The following STXBP6 variants were observed in gnomAD, a reference collection of about 807,000 sequenced individuals.
STXBP6 encodes syntaxin binding protein 6.
STXBP6 carries 21 observed loss-of-function variants against 26.9 expected under a neutral mutation model. The observed-to-expected ratio is 0.78, with a 90% confidence interval of 0.55 to 1.12. The LOEUF (loss-of-function observed/expected upper bound fraction) is 1.12, where lower values mean the gene tolerates loss of function less well. Among genes scored for constraint, STXBP6 ranks in the 50% most tolerant of loss-of-function variants. The probability of loss-of-function intolerance (pLI) is 0.00; values close to 1 mark genes in which losing one functional copy is unlikely to be tolerated. For missense variants in STXBP6, 232 were observed against 257.9 expected, an observed-to-expected ratio of 0.90 and a Z score of 0.69; for synonymous variants, 97 against 92.6, an observed-to-expected ratio of 1.05 and a Z score of -0.27.
Position 24,944,404 on chromosome 14 carries a change from C to T in STXBP6, c.154+30261G>A, listed in dbSNP as rs74611892. On this transcript the variant is annotated intron_variant, in intron 2 of 5. Transcript: ENST00000323944. ...AAAGTTATTTTTAAACACATCATGG[C>T]GGAAAAGCCCTTACCCCATCAGACA... Among the ~76,000 whole-genome samples the T allele has an allele frequency of 5.3e-5, 8 of 152,188 alleles. No homozygotes were observed. The East Asian group carries it at 1.2e-3, about 22-fold the overall frequency.
At chr14:24,943,957 T>A (rs1007531206) in intron 2 of STXBP6, among the ~76,000 whole-genome samples, 1 of 148,482 alleles carries the variant, frequency 6.7e-6, no homozygotes, top group South Asian at 2.2e-4. Context: ...TTAAGCAACA[T>A]GATTTTCTTA....
chr14:24,990,078 G>A (rs2074427503), intron 1 of STXBP6, among the ~76,000 whole-genome samples: 1 of 152,164 alleles, frequency 6.6e-6, no homozygotes, highest in Non-Finnish European at 1.5e-5. Context: ...TCCTGTTGGG[G>A]AAAGGTTAAG....
intron 5 of STXBP6, chr14:24,817,996 C>G (rs1039331804): frequency 1.1e-5 from 5 of 454,586 alleles, no homozygotes; most frequent in Admixed American, 2.4e-5. Context: ...GAAGAGGTCA[C>G]CGCAACTCAG....
intron 1 of STXBP6, among the ~76,000 whole-genome samples, chr14:25,017,797 C>T (rs2075181975): frequency 6.6e-6 from 1 of 152,192 alleles, no homozygotes. Flanking sequence ...CCTGTGGTTT[C>T]CCCAGGCCTT....
chr14:24,942,526 A>G (rs2072839326), intron 2 of STXBP6, among the ~76,000 whole-genome samples: 1 of 152,216 alleles, frequency 6.6e-6, no homozygotes, highest in Admixed American at 6.5e-5. Flanking sequence ...TGTGCTGTTC[A>G]GAAAACTCAT....
At chr14:24,929,505 T>A (rs1403466656) in intron 2 of STXBP6, among the ~76,000 whole-genome samples, 1 of 152,234 alleles carries the variant, frequency 6.6e-6, no homozygotes, top group African/African-American at 2.4e-5. Flanking sequence ...AGTAATAGTT[T>A]GCAGTCCTAA....
chr14:24,974,595 TG>T, intron 2 of STXBP6, 69 bp downstream of exon 2: 1 of 1,389,142 alleles, frequency 7.2e-7, no homozygotes. Context: ...GTAAACCTCC[TG>T]GATACCTCAG....
At chr14:24,915,420 C>T (rs2071730000) in intron 2 of STXBP6, among the ~76,000 whole-genome samples, 1 of 152,070 alleles carries the variant, frequency 6.6e-6, no homozygotes, top group Admixed American at 6.6e-5. Context: ...ATTGGCATTA[C>T]TATTACTATT....
At chr14:25,001,895 A>T (rs946333998) in intron 1 of STXBP6, among the ~76,000 whole-genome samples, 1 of 152,244 alleles carries the variant, frequency 6.6e-6, no homozygotes, top group Non-Finnish European at 1.5e-5. Flanking sequence ...ATTATCTTCT[A>T]CAATAAAGCA....
intron 2 of STXBP6, among the ~76,000 whole-genome samples, chr14:24,959,609 T>C (rs2073461084): frequency 6.6e-6 from 1 of 152,228 alleles, no homozygotes; most frequent in Admixed American, 6.5e-5. Flanking sequence ...ACACAGTATT[T>C]GAATTCTAGT....
rs373825613 is a variant in STXBP6 at position 25,000,211 on chromosome 14, T to C, written c.-32-25361A>G. ...AGTAGTAGCTGGGACTACAGGCGCCTGCCACCACGCCTGGCTAATTTTTTT... is the reference window on the plus strand; with the variant it reads ...AGTAGTAGCTGGGACTACAGGCGCCCGCCACCACGCCTGGCTAATTTTTTT... On this transcript the variant is annotated intron_variant, in intron 1 of 5. Coordinates refer to ENST00000323944, the MANE Select transcript of STXBP6 (RefSeq NM_001394410.1). Among the ~76,000 whole-genome samples the C allele has an allele frequency of 8.0e-4, 122 of 152,118 alleles. 1 individual carries two copies. In the Middle Eastern group the frequency reaches 0.014, roughly 17 times the overall value.
At chr14:24,958,767 A>C (rs2073425423) in intron 2 of STXBP6, among the ~76,000 whole-genome samples, 1 of 152,160 alleles carries the variant, frequency 6.6e-6, no homozygotes, top group South Asian at 2.1e-4. Context: ...ATTAGAATGC[A>C]AAAACCAACA....
Position 24,986,977 on chromosome 14 carries a change from C to T in STXBP6, c.-32-12127G>A, listed in dbSNP as rs200647306. 7.2e-5 allele frequency among the ~76,000 whole-genome samples: 11 copies of T among 152,162 alleles called. No individual in the cohort carries two copies. The East Asian group carries it at 9.6e-4, about 13-fold the overall frequency. ...AGGCTCTGCTCTATTCAATCAATTC[C>T]TCTGTCATTCAATGTCAACCCCTTT... On this transcript the variant is annotated intron_variant, in intron 1 of 5. Coordinates refer to ENST00000323944, the MANE Select transcript of STXBP6 (RefSeq NM_001394410.1).
chr14:24,825,359 C>A (rs2068251395), intron 4 of STXBP6, among the ~76,000 whole-genome samples: 1 of 152,206 alleles, frequency 6.6e-6, no homozygotes, highest in Non-Finnish European at 1.5e-5. Context: ...GGCTACGGAA[C>A]AGATAGCGTG....
chr14:24,832,405 G>C (rs2068481863), intron 4 of STXBP6, among the ~76,000 whole-genome samples: 1 of 152,116 alleles, frequency 6.6e-6, no homozygotes, highest in African/African-American at 2.4e-5. Flanking sequence ...AGACAGATTG[G>C]GTATTTGGTG....
chr14:25,044,407 G>A lies in STXBP6; in HGVS notation c.-33+5471C>T, dbSNP rs564982875. 7.9e-5 allele frequency among the ~76,000 whole-genome samples: 12 copies of A among 152,036 alleles called. No individual in the cohort carries two copies. In the South Asian group the frequency reaches 2.1e-3, roughly 26 times the overall value. ...ATTTCTCCACATTCTCCACCTGGCC[G>A]TCCTGGTGGGTGTGAAGTGGCATCT... On this transcript the variant is annotated intron_variant, in intron 1 of 5. Transcript: ENST00000323944.
intron 1 of STXBP6, among the ~76,000 whole-genome samples, chr14:25,010,860 T>A (rs778372605): frequency 1.1e-4 from 16 of 152,162 alleles, no homozygotes; most frequent in South Asian, 2.1e-4. Flanking sequence ...ATGGTGGTGG[T>A]GTGGAGTTTC....
At chr14:24,836,317 C>T (rs575674423) in intron 4 of STXBP6, among the ~76,000 whole-genome samples, 53 of 152,272 alleles carry the variant, frequency 3.5e-4, no homozygotes, top group African/African-American at 1.3e-3. Flanking sequence ...GAAAATCAGA[C>T]TGTGCGTGAT....
In STXBP6 at chr14:24,811,428, T is replaced by C. The variant is rs2067821444; in HGVS notation, c.*1281A>G. On this transcript the variant is annotated 3_prime_UTR_variant, in exon 6 of 6. Coordinates refer to ENST00000323944, the MANE Select transcript of STXBP6 (RefSeq NM_001394410.1). ...TGTCTGAGATGTGCAGCTTGTCTCC[T>C]AGTTTCACAAAAAAAGCACAGCTTT... 1 of 152,150 alleles carries C rather than the reference T, an allele frequency of 6.6e-6. No individual in the cohort carries two copies. Among genetic ancestry groups the C allele is most frequent in the South Asian group, 2.1e-4 (1 of 4,824 alleles). The allele number at this position is 152,150 out of a possible 1,614,324, so 9.4% of individuals were successfully genotyped here. A position where few individuals can be genotyped will look rare whatever the true frequency, so the allele number is the denominator to read the frequency against.
Sources: gnomAD v4.1 joint callset for allele counts (sites outside exome capture counted in the v4.1 genomes callset) on GRCh38, gnomAD v4.1.1 for gene constraint, MANE v1.5 for transcripts, NCBI Gene and HGNC (gene_info 2026-07-23, HGNC 2026-07-21) for gene names.